The following SPAG5 variants were observed in gnomAD, a reference collection of about 807,000 sequenced individuals.
The protein encoded by SPAG5 is sperm-associated antigen 5.
In SPAG5, 99 loss-of-function variants were observed where a neutral mutation model predicts 145.4. That is an observed-to-expected ratio of 0.68 (90% CI 0.58 to 0.80). The LOEUF (loss-of-function observed/expected upper bound fraction) is 0.80, where lower values mean the gene tolerates loss of function less well. SPAG5 is among the 30% of genes least tolerant of loss of function. The probability of loss-of-function intolerance (pLI) is 0.00; values close to 1 mark genes in which losing one functional copy is unlikely to be tolerated. For missense variants in SPAG5, 1,192 were observed against 1,416.0 expected, an observed-to-expected ratio of 0.84 and a Z score of 2.54; for synonymous variants, 477 against 525.4, an observed-to-expected ratio of 0.91 and a Z score of 1.26.
intron 16 of SPAG5, 48 bp from the exon 17 acceptor site, chr17:28,579,885 C>A: frequency 6.3e-7 from 1 of 1,579,816 alleles, no homozygotes; most frequent in East Asian, 2.2e-5. Context: ...ATGATCCAGG[C>A]AGGGGTCTAC....
At chr17:28,577,914 G>C in intron 23 of SPAG5, 96 bp downstream of exon 23, 1 of 1,262,780 alleles carries the variant, frequency 7.9e-7, no homozygotes, top group Non-Finnish European at 1.2e-6. Context: ...CCAGCTCTCA[G>C]CACAGGCTGG....
At position 28,598,910 on chromosome 17, in the gene SPAG5, G is replaced by A; in HGVS notation, c.37C>T (p.Pro13Ser). The change falls in exon 1 of 24, where the codon CCT (proline) becomes TCT (serine). Residue 13 changes from proline (P) to serine (S), a missense_variant. Physicochemically the swap from Pro to Ser is moderately conservative, Grantham distance 74. Coordinates refer to ENST00000321765, the MANE Select transcript of SPAG5 (RefSeq NM_006461.4). ...RVKKLSLSLS[P>S]SPQTGKPSMR... ...CTCCCGCTTACCGTCTGGGGCGAAG[G>A]CGACAGGCTGAGGCTCAGTTTTTTC... 1 of 1,614,142 alleles carries A rather than the reference G, an allele frequency of 6.2e-7. No homozygotes were observed. Among genetic ancestry groups the A allele is most frequent in the Non-Finnish European group, 8.5e-7 (1 of 1,180,020 alleles).
Position 28,585,991 on chromosome 17 carries a change from C to G in SPAG5, c.1613G>C (p.Arg538Pro). 6.2e-7 allele frequency: 1 copy of G among 1,614,202 alleles called. No homozygotes were observed. ...ACAGCAACAGACCAATGTTTCTGCA[C>G]GCCGAGACTATATGGTAAGAATCAG... ...DKTTVSQESR[R>P]AETLVCCCFD... Residue 538 changes from arginine (R) to proline (P), a missense_variant, in exon 7 of 24, where the codon CGT becomes CCT. By Grantham distance (103) the Arg-to-Pro change is moderately radical (BLOSUM62 -2). This residue lies in a region of SPAG5 where 709 missense variants were observed against 840.7 expected (regional missense o/e 0.84). Coordinates refer to ENST00000321765, the MANE Select transcript of SPAG5 (RefSeq NM_006461.4).
Position 28,586,457 on chromosome 17 carries a change from C to T in SPAG5, c.1480G>A (p.Gly494Arg). ...TTTCTGGCCTGCTGTAGGGCCTGTC[C>T]CATCTCATGGCTCTCCTTAAGATGC... ...LQHLKESHEM[G>R]QALQQARNVM... Residue 494 changes from glycine to arginine, a missense_variant, in exon 5 of 24, where the codon GGA becomes AGA. Transcript: ENST00000321765. 2.5e-6 allele frequency: 4 copies of T among 1,613,896 alleles called. No homozygotes were observed. Among genetic ancestry groups the T allele is most frequent in the Admixed American group, 1.7e-5 (1 of 60,022 alleles).
At chr17:28,588,466 T>C (rs964073481) in intron 4 of SPAG5, among the ~76,000 whole-genome samples, 1 of 152,142 alleles carries the variant, frequency 6.6e-6, no homozygotes, top group Admixed American at 6.5e-5. Flanking sequence ...TGGAGGAACA[T>C]GGAGCTTATG....
chr17:28,577,631 G>C lies in SPAG5; in HGVS notation c.*68C>G, dbSNP rs990136469. On this transcript the variant is annotated 3_prime_UTR_variant, in exon 24 of 24. Coordinates refer to ENST00000321765, the MANE Select transcript of SPAG5 (RefSeq NM_006461.4). ...ATCTCAGTTGGCTCTATGCCAGTTG[G>C]TCTTGGTATTGGGGTAAGGGGGTAT... The C allele has an allele frequency of 2.8e-5, 29 of 1,044,686 alleles. No homozygotes were observed. Among genetic ancestry groups the C allele is most frequent in the Non-Finnish European group, 4.2e-5 (28 of 661,268 alleles). 64.7% of individuals were successfully genotyped at this position (1,044,686 alleles called of 1,614,324 possible).
chr17:28,593,304 T>C (rs2070637430), intron 2 of SPAG5, among the ~76,000 whole-genome samples: 1 of 152,202 alleles, frequency 6.6e-6, no homozygotes, highest in East Asian at 1.9e-4. Flanking sequence ...GCTGAGAATA[T>C]AGATCCATAT....
Position 28,598,504 on chromosome 17 carries a change from T to C in SPAG5, c.177+6A>G. ...CCAGTCGAGAAGCTGTCCAGGCGAATCTCACCTGCAGCCCCAGCTTGCACA... is the reference window on the plus strand; with the variant it reads ...CCAGTCGAGAAGCTGTCCAGGCGAACCTCACCTGCAGCCCCAGCTTGCACA... On this transcript the variant is annotated splice_donor_region_variant and intron_variant, in intron 2 of 23. Coordinates refer to ENST00000321765, the MANE Select transcript of SPAG5 (RefSeq NM_006461.4). 6.2e-7 allele frequency: 1 copy of C among 1,613,120 alleles called. No homozygotes were observed. The highest frequency in any genetic ancestry group is 8.5e-7 in the Non-Finnish European group (1 of 1,179,838).
At chr17:28,581,498 A>G (rs977037448) in intron 15 of SPAG5, among the ~76,000 whole-genome samples, 1 of 149,416 alleles carries the variant, frequency 6.7e-6, no homozygotes, top group East Asian at 2.0e-4. Context: ...CCATGGCTCA[A>G]CCTCTTCTGT....
chr17:28,593,133 G>A (rs2070636080), intron 2 of SPAG5, 67 bp from the exon 3 acceptor site: 7 of 1,529,098 alleles, frequency 4.6e-6, no homozygotes, highest in Non-Finnish European at 6.2e-6. Flanking sequence ...AATTACAGGT[G>A]CAAGATAGTG....
At chr17:28,597,035 C>A (rs1444149788) in intron 2 of SPAG5, among the ~76,000 whole-genome samples, 1 of 151,660 alleles carries the variant, frequency 6.6e-6, no homozygotes, top group Non-Finnish European at 1.5e-5. Flanking sequence ...TGCGGTGAGC[C>A]GAGATCGCGC....
At chr17:28,595,257 CAA>C (rs368277300) in intron 2 of SPAG5, among the ~76,000 whole-genome samples, 14 of 58,102 alleles carry the variant, frequency 2.4e-4, no homozygotes, top group Admixed American at 7.8e-4. Context: ...GACTCCTTCT[CAA>C]AAAAAAAAAA....
rs1421255168 is a variant in SPAG5, at chr17:28,584,261, G to T, written c.2310-9C>A. On this transcript the variant is annotated splice_polypyrimidine_tract_variant and intron_variant, in intron 12 of 23. Transcript: ENST00000321765. ...TCTCTTCCTTTTGCCATCTGCCAGA[G>T]ACAACATATTAGATCCCATTTGGTC... 4 of 1,613,862 alleles carry T rather than the reference G, an allele frequency of 2.5e-6. No individual in the cohort carries two copies. Among genetic ancestry groups the T allele is most frequent in the Non-Finnish European group, 3.4e-6 (4 of 1,180,016 alleles).
intron 2 of SPAG5, among the ~76,000 whole-genome samples, chr17:28,595,265 A>C (rs2070655263): frequency 6.6e-6 from 1 of 151,856 alleles, no homozygotes; most frequent in Non-Finnish European, 1.5e-5. Context: ...CTCAAAAAAA[A>C]AAAAAAAAAG....
chr17:28,584,317 C>A lies in SPAG5; in HGVS notation c.2309+16G>T, dbSNP rs2070568745. On this transcript the variant is annotated intron_variant, in intron 12 of 23. Coordinates refer to ENST00000321765, the MANE Select transcript of SPAG5 (RefSeq NM_006461.4). ...TCCTGGATGCCTACTGCCACAGTAC[C>A]CCGTTAGGAACTCACTGAGCAGCCT... 6.2e-7 allele frequency: 1 copy of A among 1,614,048 alleles called. No individual in the cohort carries two copies. Among genetic ancestry groups the A allele is most frequent in the East Asian group, 2.2e-5 (1 of 44,884 alleles).
Position 28,592,967 on chromosome 17 carries a change from A to G in SPAG5, c.277T>C (p.Cys93Arg), listed in dbSNP as rs1482458675. The stretch of plus-strand genomic sequence containing the variant: ...GGCTGCTCATCTGATTCATGCTGAC[A>G]AGTTTCTAGCCACTTTGAGGAATGA... ...FSHSSKWLET[C>R]QHESDEQPLD... The change falls in exon 3 of 24, where the codon TGT becomes CGT. Residue 93 changes from cysteine to arginine, a missense_variant. Around this residue, in one of 5 missense-constraint regions of SPAG5, gnomAD observed 329 missense variants for 354.0 expected, o/e 0.93. Coordinates refer to ENST00000321765, the MANE Select transcript of SPAG5 (RefSeq NM_006461.4). The G allele has an allele frequency of 1.9e-6, 3 of 1,614,158 alleles. No homozygotes were observed. The South Asian group carries it at 3.3e-5, about 18-fold the overall frequency.
chr17:28,594,307 T>C (rs2070644385), intron 2 of SPAG5, among the ~76,000 whole-genome samples: 2 of 152,178 alleles, frequency 1.3e-5, no homozygotes, highest in South Asian at 4.1e-4. Context: ...AAAAAAATAA[T>C]CAAACAGACC....
chr17:28,578,331 G>T, intron 21 of SPAG5, 39 bp from the exon 22 acceptor site: 2 of 1,614,042 alleles, frequency 1.2e-6, no homozygotes, highest in Non-Finnish European at 1.7e-6. Context: ...ACAGCCTGGG[G>T]TCCCCACCTG....
Position 28,585,852 on chromosome 17 carries a change from C to A in SPAG5, c.1740+12G>T. On this transcript the variant is annotated intron_variant, in intron 7 of 23. Transcript: ENST00000321765. ...ACCTCCCACATCCAAGAACAAATGC[C>A]TGTCACCTTACCGCATCCTTGCCTC... 6.2e-7 allele frequency: 1 copy of A among 1,614,214 alleles called. No individual in the cohort carries two copies. Among genetic ancestry groups the A allele is most frequent in the Non-Finnish European group, 8.5e-7 (1 of 1,180,046 alleles).
Sources: allele counts gnomAD v4.1 joint callset (sites outside exome capture counted in the v4.1 genomes callset), GRCh38; gene constraint gnomAD v4.1.1; regional missense constraint gnomAD v4.1.1; transcripts MANE v1.5; gene names NCBI Gene and HGNC (gene_info 2026-07-23, HGNC 2026-07-21).